The following THRB variants were observed in gnomAD, a reference collection of about 807,000 sequenced individuals.
THRB encodes the protein nuclear receptor subfamily 1 group A member 2.
A neutral mutation model predicts 47.8 loss-of-function variants in THRB; 12 were observed. That is an observed-to-expected ratio of 0.25 (90% CI 0.16 to 0.41). The LOEUF (loss-of-function observed/expected upper bound fraction) is 0.41, where lower values mean the gene tolerates loss of function less well. Ranked by LOEUF, THRB falls within the 10% of genes least tolerant of loss-of-function variation. The pLI is 1.00. For missense variants in THRB, 348 were observed against 589.2 expected (o/e 0.59, Z 4.24); for synonymous variants, 218 against 212.2 (o/e 1.03, Z -0.24).
chr3:24,282,964 C>A (rs2054788879), intron 3 of THRB, among the ~76,000 whole-genome samples: 1 of 151,828 alleles, frequency 6.6e-6, no homozygotes. Context: ...ACGAAAGAGT[C>A]CAGGACCAGA....
intron 4 of THRB, among the ~76,000 whole-genome samples, chr3:24,201,767 GTAA>G (rs1281894573): frequency 1.3e-5 from 2 of 152,072 alleles, no homozygotes; most frequent in Admixed American, 1.3e-4. Flanking sequence ...GGTTAGTTTG[GTAA>G]ATTTGGTTCA....
At chr3:24,249,335 G>A (rs961959099) in intron 3 of THRB, among the ~76,000 whole-genome samples, 16 of 152,072 alleles carry the variant, frequency 1.1e-4, no homozygotes, top group South Asian at 2.1e-4. Context: ...AACTATCAGT[G>A]GATAGTTTGG....
chr3:24,316,634 T>C (rs920312592), intron 2 of THRB, among the ~76,000 whole-genome samples: 1 of 152,012 alleles, frequency 6.6e-6, no homozygotes, highest in African/African-American at 2.4e-5. Context: ...ACCAGATCTC[T>C]CCAGAGGGTG....
rs57890674 is a variant in THRB at position 24,128,863 on chromosome 3, C to CTTTTTTTTTTTTTTTT, written c.886-1122_886-1107dup. Among the ~76,000 whole-genome samples, 26 of 87,052 alleles carry CTTTTTTTTTTTTTTTT rather than the reference C, an allele frequency of 3.0e-4. 2 individuals carry two copies. Among genetic ancestry groups the CTTTTTTTTTTTTTTTT allele is most frequent in the Middle Eastern group, 9.1e-3 (1 of 110 alleles). 57.1% of individuals were successfully genotyped at this position (87,052 alleles called of 152,430 possible). A position where few individuals can be genotyped will look rare whatever the true frequency, so the allele number is the denominator to read the frequency against. On this transcript the variant is annotated intron_variant, in intron 9 of 10. Coordinates refer to ENST00000646209, the MANE Select transcript of THRB (RefSeq NM_001354712.2). ...GCCAAGAGAAGAAGGAAACATAACT[C>CTTTTTTTTTTTTTTTT]TTTTTTTTTTTTTTTTTTTTTTTTT...
intron 3 of THRB, among the ~76,000 whole-genome samples, chr3:24,283,934 TACAA>T (rs1211559712): frequency 7.3e-4 from 101 of 137,634 alleles, no homozygotes; most frequent in African/African-American, 2.6e-3. Flanking sequence ...TAAAAGAGGA[TACAA>T]ACAAATGGAA....
At chr3:24,233,615 G>GAAAGAAAGAA (rs1553658450) in intron 3 of THRB, among the ~76,000 whole-genome samples, 2 of 101,912 alleles carry the variant, frequency 2.0e-5, no homozygotes, top group Admixed American at 9.4e-5. Context: ...AAGAAAGAAA[G>GAAAGAAAGAA]AGAAAGAGCC....
At chr3:24,424,070 C>T (rs2069524440) in intron 1 of THRB, among the ~76,000 whole-genome samples, 1 of 151,818 alleles carries the variant, frequency 6.6e-6, no homozygotes, top group Admixed American at 6.6e-5. Context: ...GAAATTAGTA[C>T]AGCTTTTTAA....
intron 3 of THRB, among the ~76,000 whole-genome samples, chr3:24,245,424 C>T (rs549973702): frequency 1.1e-4 from 16 of 152,118 alleles, no homozygotes; most frequent in South Asian, 6.2e-4. Flanking sequence ...GTAGAGAAGA[C>T]GGGATGTGCA....
At chr3:24,152,990 GAAA>G (rs2149112929) in intron 5 of THRB, among the ~76,000 whole-genome samples, 1 of 150,196 alleles carries the variant, frequency 6.7e-6, no homozygotes, top group Non-Finnish European at 1.5e-5. Flanking sequence ...AAGAAAGAAA[GAAA>G]GAAAGAAAGA....
chr3:24,212,081 T>C (rs532230479), intron 4 of THRB, among the ~76,000 whole-genome samples: 1 of 152,110 alleles, frequency 6.6e-6, no homozygotes, highest in Admixed American at 6.5e-5. Flanking sequence ...CTGGCCAACA[T>C]GGTGAAACCC....
At chr3:24,175,909 G>C (rs1333620019) in intron 5 of THRB, among the ~76,000 whole-genome samples, 1 of 152,150 alleles carries the variant, frequency 6.6e-6, no homozygotes, top group East Asian at 1.9e-4. Flanking sequence ...GAAAAGGTTA[G>C]TATTGAAATT....
At chr3:24,364,124 G>A (rs929074978) in intron 1 of THRB, among the ~76,000 whole-genome samples, 1 of 152,110 alleles carries the variant, frequency 6.6e-6, no homozygotes, top group South Asian at 2.1e-4. Flanking sequence ...TAATATAAAT[G>A]TTTATTCATT....
chr3:24,301,318 G>A (rs1381003145), intron 2 of THRB, among the ~76,000 whole-genome samples: 1 of 152,160 alleles, frequency 6.6e-6, no homozygotes, highest in African/African-American at 2.4e-5. Flanking sequence ...ATAAACTTTT[G>A]TGTTTGTCTG....
chr3:24,177,508 T>C (rs1309857501), intron 5 of THRB, among the ~76,000 whole-genome samples: 1 of 152,140 alleles, frequency 6.6e-6, no homozygotes, highest in African/African-American at 2.4e-5. Flanking sequence ...CCATCTGCAG[T>C]GAATCAAACA....
intron 5 of THRB, among the ~76,000 whole-genome samples, chr3:24,189,178 T>C (rs1256397297): frequency 6.6e-6 from 1 of 152,074 alleles, no homozygotes; most frequent in Non-Finnish European, 1.5e-5. Context: ...CTTTGCAAAC[T>C]TTATTATGTT....
At position 24,362,350 on chromosome 3, in the gene THRB, C is replaced by T. The variant is rs532990939; in HGVS notation, c.-260-24979G>A. ...TGGCCTAATGAACCTTCTATTTCTC[C>T]AACATGAAGCCTCTGCACTAGCTGC... On this transcript the variant is annotated intron_variant, in intron 1 of 10. Transcript: ENST00000646209. Among the ~76,000 whole-genome samples the T allele has an allele frequency of 2.0e-4, 31 of 152,230 alleles. No homozygotes were observed. In the South Asian group the frequency reaches 6.2e-3, roughly 31 times the overall value.
At chr3:24,293,095 G>A (rs999422761) in intron 3 of THRB, among the ~76,000 whole-genome samples, 1 of 152,176 alleles carries the variant, frequency 6.6e-6, no homozygotes, top group African/African-American at 2.4e-5. Flanking sequence ...TAAAATATAA[G>A]CTGGTTTTAC....
intron 8 of THRB, among the ~76,000 whole-genome samples, chr3:24,141,213 T>C (rs2035399180): frequency 6.6e-6 from 1 of 152,234 alleles, no homozygotes; most frequent in African/African-American, 2.4e-5. Context: ...TTCTGTGCCA[T>C]AGATTCTTTC....
At chr3:24,133,128 A>T (rs1405707362) in intron 9 of THRB, among the ~76,000 whole-genome samples, 188 bp downstream of exon 9, 1 of 152,226 alleles carries the variant, frequency 6.6e-6, no homozygotes, top group Non-Finnish European at 1.5e-5. Context: ...CAAGCTAATG[A>T]ATGATGACTA....
Sources: gnomAD v4.1 joint callset for allele counts (sites outside exome capture counted in the v4.1 genomes callset) on GRCh38, gnomAD v4.1.1 for gene constraint, MANE v1.5 for transcripts, NCBI Gene and HGNC (gene_info 2026-07-23, HGNC 2026-07-21) for gene names.